The following CSMD3 variants were observed in gnomAD, a reference collection of about 807,000 sequenced individuals.
CSMD3 encodes the protein CUB and Sushi multiple domains 3.
CSMD3 carries 177 observed loss-of-function variants against 435.2 expected under a neutral mutation model. The observed-to-expected ratio is 0.41, with a 90% CI of 0.36 to 0.46. CSMD3 has a LOEUF of 0.46. CSMD3 is among the 20% of genes least tolerant of loss of function. The probability of loss-of-function intolerance (pLI) is 0.34; values close to 1 mark genes in which losing one functional copy is unlikely to be tolerated. For synonymous variants in CSMD3, 1,656 were observed against 1,520.5 expected, an observed-to-expected ratio of 1.09 and a Z score of -2.07; for missense variants, 4,265 against 4,504.6, an observed-to-expected ratio of 0.95 and a Z score of 1.52.
At chr8:113,243,989 T>C (rs1157471650) in intron 3 of CSMD3, among the ~76,000 whole-genome samples, 2 of 152,206 alleles carry the variant, frequency 1.3e-5, no homozygotes. Context: ...CATTCTTCAT[T>C]ATAGTATAGA....
chr8:112,545,784 A>C (rs2131163724), intron 27 of CSMD3, among the ~76,000 whole-genome samples: 1 of 152,252 alleles, frequency 6.6e-6, no homozygotes, highest in Admixed American at 6.5e-5. Flanking sequence ...TATGTCACAA[A>C]GCGGGGATCT....
intron 12 of CSMD3, among the ~76,000 whole-genome samples, chr8:112,828,632 G>A (rs2079770312): frequency 6.6e-6 from 1 of 152,140 alleles, no homozygotes; most frequent in Non-Finnish European, 1.5e-5. Context: ...AAATAATCCA[G>A]TCTCAGGTAG....
chr8:112,287,316 G>A (rs1819304574), intron 57 of CSMD3, 70 bp from the exon 58 acceptor site: 2 of 1,447,846 alleles, frequency 1.4e-6, no homozygotes, highest in African/African-American at 2.8e-5. Context: ...TTAGTCCAAG[G>A]GCCTGGTAGG....
rs574017287 is a variant in CSMD3 at position 112,413,313 on chromosome 8, A to C, written c.5396-4281T>G. 2.6e-5 allele frequency among the ~76,000 whole-genome samples: 4 copies of C among 152,314 alleles called. No individual in the cohort carries two copies. The East Asian group carries it at 7.7e-4, about 29-fold the overall frequency. ...TGAAGTATCCATCCAAATAAGATTG[A>C]GAGGTAGGGTTCCATTGACTGAGAA... On this transcript the variant is annotated intron_variant, in intron 32 of 70. Transcript: ENST00000297405.
chr8:112,609,695 T>C (rs1833103218), intron 22 of CSMD3, among the ~76,000 whole-genome samples: 1 of 152,142 alleles, frequency 6.6e-6, no homozygotes. Context: ...ATCACTGATA[T>C]CTGCATCCTC....
rs116331944 is a variant in CSMD3 at position 113,232,883 on chromosome 8, A to G, written c.514+45709T>C. Among the ~76,000 whole-genome samples the G allele has an allele frequency of 7.1e-3, 1,084 of 151,952 alleles. 10 individuals are homozygous for G. The highest frequency in any genetic ancestry group is 0.025 in the African/African-American group (1,042 of 41,552). On this transcript the variant is annotated intron_variant, in intron 3 of 70. Coordinates refer to ENST00000297405, the MANE Select transcript of CSMD3 (RefSeq NM_198123.2). ...TCCCACAAATGTGTTTTCAACTGCG[A>G]CAGATTTAATGTTTCGTAACATTAT...
chr8:113,306,371 T>C (rs1363621805), intron 2 of CSMD3, among the ~76,000 whole-genome samples: 1 of 152,130 alleles, frequency 6.6e-6, no homozygotes, highest in Non-Finnish European at 1.5e-5. Context: ...CTCAATGTAA[T>C]CTTTAGGAAA....
chr8:112,527,967 A>T (rs1416521222), intron 27 of CSMD3, among the ~76,000 whole-genome samples: 1 of 152,156 alleles, frequency 6.6e-6, no homozygotes, highest in Non-Finnish European at 1.5e-5. Context: ...GAGAATTTAG[A>T]ATACAAAGTG....
At chr8:112,302,209 T>C (rs78564288) in intron 52 of CSMD3, among the ~76,000 whole-genome samples, 3 of 129,916 alleles carry the variant, frequency 2.3e-5, no homozygotes, top group South Asian at 4.8e-4. Context: ...GTTCTTTTTT[T>C]TTCATTTTTT....
At chr8:112,951,803 T>A (rs2083822560) in intron 8 of CSMD3, among the ~76,000 whole-genome samples, 1 of 151,562 alleles carries the variant, frequency 6.6e-6, no homozygotes, top group Admixed American at 6.6e-5. Context: ...ACACAATCAT[T>A]TATGGCAGGC....
intron 38 of CSMD3, among the ~76,000 whole-genome samples, chr8:112,372,781 G>A (rs766112984): frequency 2.6e-5 from 4 of 151,470 alleles, no homozygotes; most frequent in Non-Finnish European, 4.4e-5. Context: ...CCTGAGAGGC[G>A]GAGCTTGCAG....
rs537969482 is a variant in CSMD3 at position 112,548,048 on chromosome 8, T to C, written c.4564+2623A>G. ...AGTTTGACCCACGGTAGTTGTTTAG[T>C]GGCCTATAGTCCATTTACATTCTCT... On this transcript the variant is annotated intron_variant, in intron 27 of 70. Coordinates refer to ENST00000297405, the MANE Select transcript of CSMD3 (RefSeq NM_198123.2). 6.0e-4 allele frequency among the ~76,000 whole-genome samples: 92 copies of C among 152,304 alleles called. 1 individual carries two copies. Among genetic ancestry groups the C allele is most frequent in the Middle Eastern group, 6.8e-3 (2 of 294 alleles).
chr8:113,340,917 T>C (rs2094114381), intron 1 of CSMD3, among the ~76,000 whole-genome samples: 1 of 151,878 alleles, frequency 6.6e-6, no homozygotes, highest in Non-Finnish European at 1.5e-5. Flanking sequence ...GTGCCAGAAG[T>C]AGAAATTGAC....
In CSMD3 at chr8:112,503,964, G is replaced by A. The variant is rs2130916762; in HGVS notation, c.4909C>T (p.Pro1637Ser). ...SLAFISFSIE[P>S]NYDFLYIYDG... ...TAGATATAGAGGAAGTCATAGTTTG[G>A]TTCTATGCTAAAACTGAAAAAAAAA... The change falls in exon 30 of 71, where the codon CCA (proline) becomes TCA (serine). Residue 1637 changes from proline to serine, a missense_variant. Physicochemically the swap from Pro to Ser is moderately conservative, Grantham distance 74. Around this residue, in one of 3 missense-constraint regions of CSMD3, gnomAD observed 3,255 missense variants for 3,380.2 expected, o/e 0.96. Coordinates refer to ENST00000297405, the MANE Select transcript of CSMD3 (RefSeq NM_198123.2). 1.2e-6 allele frequency: 2 copies of A among 1,601,072 alleles called. No individual in the cohort carries two copies. The highest frequency in any genetic ancestry group is 1.7e-6 in the Non-Finnish European group (2 of 1,170,176).
chr8:112,420,334 A>G (rs867778232), intron 32 of CSMD3, among the ~76,000 whole-genome samples: 8 of 152,116 alleles, frequency 5.3e-5, no homozygotes, highest in South Asian at 4.1e-4. Context: ...TTCTTTTTCC[A>G]TAAATGCTTT....
At chr8:113,292,947 TCAAC>T (rs1185178388) in intron 2 of CSMD3, among the ~76,000 whole-genome samples, 2 of 151,730 alleles carry the variant, frequency 1.3e-5, no homozygotes, top group East Asian at 2.0e-4. Flanking sequence ...TTGTAACCTA[TCAAC>T]CAACCAAACA....
chr8:112,936,217 T>A (rs1264616671), intron 9 of CSMD3, among the ~76,000 whole-genome samples: 1 of 152,050 alleles, frequency 6.6e-6, no homozygotes, highest in Non-Finnish European at 1.5e-5. Flanking sequence ...TCTATCTTGC[T>A]TACCCTCAAA....
chr8:112,543,756 A>C (rs1158121077), intron 27 of CSMD3, among the ~76,000 whole-genome samples: 3 of 152,152 alleles, frequency 2.0e-5, no homozygotes, highest in African/African-American at 7.2e-5. Context: ...AAAAATGAGG[A>C]TCTCGAGGAG....
intron 1 of CSMD3, among the ~76,000 whole-genome samples, chr8:113,329,368 A>C (rs1468358494): frequency 6.6e-6 from 1 of 152,140 alleles, no homozygotes; most frequent in Non-Finnish European, 1.5e-5. Flanking sequence ...AATTCACTAA[A>C]GGAATTAAGC....
Sources: gnomAD v4.1 joint callset for allele counts (sites outside exome capture counted in the v4.1 genomes callset) on GRCh38, gnomAD v4.1.1 for gene constraint, gnomAD v4.1.1 regional missense constraint, MANE v1.5 for transcripts, NCBI Gene and HGNC (gene_info 2026-07-23, HGNC 2026-07-21) for gene names.